RCE1: variants seen among roughly 807,000 people sequenced by gnomAD.
RCE1 encodes CAAX prenyl protease 2.
In RCE1, 15 loss-of-function variants were observed where a neutral mutation model predicts 35.0. The ratio of observed to expected loss-of-function variants is 0.43; its 90% CI spans 0.29 to 0.66. The LOEUF (loss-of-function observed/expected upper bound fraction) is 0.66, where lower values mean the gene tolerates loss of function less well. Ranked by LOEUF, RCE1 falls within the 30% of genes least tolerant of loss-of-function variation. The pLI, the probability that RCE1 is intolerant of heterozygous loss-of-function variation, is 0.17. For missense variants in RCE1, 434 were observed against 433.0 expected (o/e 1.00, Z -0.02); for synonymous variants, 261 against 192.7 (o/e 1.35, Z -2.94).
Position 66,846,078 on chromosome 11 carries a change from G to T in RCE1, c.973G>T (p.Ala325Ser). ...TTTGGAGCGGGCAGGGGACTCAGAGGCTCCCCTGTGCTCCTGACCTATGCT... is the reference window on the plus strand; with the variant it reads ...TTTGGAGCGGGCAGGGGACTCAGAGTCTCCCCTGTGCTCCTGACCTATGCT... Reference protein sequence around the residue: ...VLLERAGDSEAPLCS With the variant: ...VLLERAGDSESPLCS Residue 325 changes from alanine to serine, a missense_variant, in exon 8 of 8, where the codon GCT becomes TCT. Transcript: ENST00000309657. The T allele has an allele frequency of 6.2e-7, 1 of 1,609,264 alleles. No individual in the cohort carries two copies. The highest frequency in any genetic ancestry group is 8.5e-7 in the Non-Finnish European group (1 of 1,178,544).
Position 66,845,223 on chromosome 11 carries a change from T to G in RCE1, c.677T>G (p.Ile226Ser). The G allele has an allele frequency of 6.2e-7, 1 of 1,614,198 alleles. No individual in the cohort carries two copies. Among genetic ancestry groups the G allele is most frequent in the African/African-American group, 1.3e-5 (1 of 75,052 alleles). The change falls in exon 6 of 8, where the codon ATC becomes AGC. Residue 226 changes from isoleucine to serine, a missense_variant. Transcript: ENST00000309657. ...TTCCGCCAGAGCAGCGTGGGGAACA[T>G]CTTCTTGTCTGCTGGTGAGTCCTGG... ...LRFRQSSVGN[I>S]FLSAAFQFSY... is the part of the protein sequence containing the mutation.
In RCE1 at chr11:66,846,096, C is replaced by A; in HGVS notation, c.*1C>A. On this transcript the variant is annotated 3_prime_UTR_variant, in exon 8 of 8. Coordinates refer to ENST00000309657, the MANE Select transcript of RCE1 (RefSeq NM_005133.3). Reference sequence around the variant, plus strand: ...CTCAGAGGCTCCCCTGTGCTCCTGACCTATGCTCCTGGATACGCTATGAAC... The same window carrying A: ...CTCAGAGGCTCCCCTGTGCTCCTGAACTATGCTCCTGGATACGCTATGAAC... 1 of 1,602,998 alleles carries A rather than the reference C, an allele frequency of 6.2e-7. No homozygotes were observed. Among genetic ancestry groups the A allele is most frequent in the Non-Finnish European group, 8.5e-7 (1 of 1,175,722 alleles).
rs769541197 is a variant in RCE1, at chr11:66,843,510, C to T, written c.55C>T (p.Arg19Trp). ...ACTGCTGTCGGTGTCGCGGCCGGAGCGGCCGCCCGAGTCGGCGGCGCTGGG... is the reference window on the plus strand; with the variant it reads ...ACTGCTGTCGGTGTCGCGGCCGGAGTGGCCGCCCGAGTCGGCGGCGCTGGG... ...LRLLSVSRPE[R>W]PPESAALGGL... The change falls in exon 1 of 8, where the codon CGG becomes TGG. Residue 19 changes from arginine to tryptophan, a missense_variant. Coordinates refer to ENST00000309657, the MANE Select transcript of RCE1 (RefSeq NM_005133.3). The T allele has an allele frequency of 2.0e-6, 3 of 1,493,316 alleles. No homozygotes were observed. Among genetic ancestry groups the T allele is most frequent in the East Asian group, 2.7e-5 (1 of 36,614 alleles). 92.5% of individuals were successfully genotyped at this position (1,493,316 alleles called of 1,614,324 possible).
At chr11:66,845,437 G>A in intron 6 of RCE1, 63 bp from the exon 7 acceptor site, 1 of 1,612,656 alleles carries the variant, frequency 6.2e-7, no homozygotes, top group Non-Finnish European at 8.5e-7. Flanking sequence ...TGGCTGATGG[G>A]TATGTAGTGT....
chr11:66,843,834 G>C lies in RCE1; in HGVS notation c.261G>C (p.Leu87=), dbSNP rs1352532180. The C allele has an allele frequency of 6.2e-7, 1 of 1,614,112 alleles. No homozygotes were observed. Among genetic ancestry groups the C allele is most frequent in the East Asian group, 2.2e-5 (1 of 44,880 alleles). ...CCAGTCTCTCACCCCTGTGCGTGCT[G>C]CTCTGGAGGGAACTCACAGGCATCC... ...VVSSLSPLCV[L]LWRELTGIQP... The change falls in exon 2 of 8, where the codon CTG becomes CTC. Residue 87 remains leucine, a synonymous_variant. Coordinates refer to ENST00000309657, the MANE Select transcript of RCE1 (RefSeq NM_005133.3).
At position 66,843,792 on chromosome 11, in the gene RCE1, C is replaced by T. The variant is rs1945142699; in HGVS notation, c.219C>T (p.Thr73=). Residue 73 remains threonine (T), a synonymous_variant, in exon 2 of 8, where the codon ACC becomes ACT. Transcript: ENST00000309657. ...DHPAVIKRRF[T]SVLVVSSLSP... ...CCGCGGTCATCAAGCGACGCTTCAC[C>T]AGCGTCCTGGTGGTGTCCAGTCTCT... 5 of 1,613,988 alleles carry T rather than the reference C, an allele frequency of 3.1e-6. No homozygotes were observed. In the East Asian group the frequency reaches 6.7e-5, roughly 22 times the overall value.
Position 66,845,501 on chromosome 11 carries a change from G to A in RCE1, c.693G>A (p.Ala231=), listed in dbSNP as rs745679450. 1.2e-5 allele frequency: 20 copies of A among 1,614,034 alleles called. No homozygotes were observed. The highest frequency in any genetic ancestry group is 9.9e-5 in the South Asian group (9 of 91,084). Residue 231 remains alanine (A), a splice_region_variant and synonymous_variant, in exon 7 of 8, where the codon GCG becomes GCA. Transcript: ENST00000309657. ...CACTCGTGGCCTCCCCGTCTCCAGC[G>A]TTCCAGTTCTCCTACACAGCTGTCT... ...SSVGNIFLSA[A]FQFSYTAVFG...
In RCE1 at chr11:66,843,493, C is replaced by G; in HGVS notation, c.38C>G (p.Ser13Trp). 5 of 1,481,788 alleles carry G rather than the reference C, an allele frequency of 3.4e-6. No homozygotes were observed. In the South Asian group the frequency reaches 6.4e-5, roughly 19 times the overall value. 91.8% of individuals were successfully genotyped at this position (1,481,788 alleles called of 1,614,324 possible). The part of the protein sequence containing the change: ...ALGGDGLRLL[S>W]VSRPERPPES... ...GGCGGGGATGGGCTGCGACTGCTGT[C>G]GGTGTCGCGGCCGGAGCGGCCGCCC... The change falls in exon 1 of 8, where the codon TCG (serine) becomes TGG (tryptophan). Residue 13 changes from serine to tryptophan, a missense_variant. Physicochemically the swap from Ser to Trp is radical, Grantham distance 177. Transcript: ENST00000309657.
Position 66,846,341 on chromosome 11 carries a change from C to T in RCE1, c.*246C>T. On this transcript the variant is annotated 3_prime_UTR_variant, in exon 8 of 8. Transcript: ENST00000309657. ...GGGGACAAGGGGCAGGTCCCAGGAG[C>T]CACACACTCCCTTCCTCACTTTGGA... is the stretch of plus-strand genomic sequence containing the variant. 2.2e-6 allele frequency: 1 copy of T among 461,980 alleles called. No homozygotes were observed. Among genetic ancestry groups the T allele is most frequent in the Non-Finnish European group, 3.8e-6 (1 of 263,362 alleles). The allele number at this position is 461,980 out of a possible 1,614,324, so 28.6% of individuals were successfully genotyped here.
chr11:66,846,263 TC>T lies in RCE1; in HGVS notation c.*170del. The T allele has an allele frequency of 2.3e-6, 2 of 866,966 alleles. No individual in the cohort carries two copies. Among genetic ancestry groups the T allele is most frequent in the Non-Finnish European group, 3.4e-6 (2 of 584,840 alleles). The allele number at this position is 866,966 out of a possible 1,614,324, so 53.7% of individuals were successfully genotyped here. A position where few individuals can be genotyped will look rare whatever the true frequency, so the allele number is the denominator to read the frequency against. ...AGGGACCAAGAGAAAGAAGCAGATA[TC>T]CAAAGGGTGCAGCCCCTTTTGAAAG... On this transcript the variant is annotated 3_prime_UTR_variant, in exon 8 of 8. Transcript: ENST00000309657.
At chr11:66,844,695 A>T (rs1323191314) in intron 4 of RCE1, 174 bp from the exon 5 acceptor site, 1 of 1,009,350 alleles carries the variant, frequency 9.9e-7, no homozygotes, top group Non-Finnish European at 1.4e-6. Context: ...CCTTCCATTC[A>T]GGTCATCTCA....
At chr11:66,844,111 T>G in intron 3 of RCE1, 72 bp downstream of exon 3, 1 of 1,605,672 alleles carries the variant, frequency 6.2e-7, no homozygotes, top group Non-Finnish European at 8.5e-7. Flanking sequence ...TGGACTCTTG[T>G]TTTTGGTTTT....
In RCE1 at chr11:66,844,951, G is replaced by T. The variant is rs1240358168; in HGVS notation, c.534G>T (p.Val178=). Residue 178 remains valine, a synonymous_variant, in exon 5 of 8, where the codon GTG becomes GTT. Transcript: ENST00000309657. ...QVIAPLTEEL[V]FRACMLPMLA... is the part of the protein sequence containing the mutation. Reference sequence around the variant, plus strand: ...TCGCCCCGCTGACAGAGGAGCTGGTGTTCCGGGCCTGTATGCTGCCCATGT... The same window carrying T: ...TCGCCCCGCTGACAGAGGAGCTGGTTTTCCGGGCCTGTATGCTGCCCATGT... 6.2e-7 allele frequency: 1 copy of T among 1,607,560 alleles called. No homozygotes were observed. The highest frequency in any genetic ancestry group is 1.3e-5 in the African/African-American group (1 of 74,694).
Position 66,844,024 on chromosome 11 carries a change from C to T in RCE1, c.357C>T (p.Pro119=), listed in dbSNP as rs1209671056. ...GCATTTTCCCAGCGGCGCTGCTGCCCCTGTTGCTGACCATGGTGAGTGCTC... is the reference window on the plus strand; with the variant it reads ...GCATTTTCCCAGCGGCGCTGCTGCCTCTGTTGCTGACCATGGTGAGTGCTC... ...LEGIFPAALL[P]LLLTMILFLG... Residue 119 remains proline, a synonymous_variant, in exon 3 of 8, where the codon CCC becomes CCT. Coordinates refer to ENST00000309657, the MANE Select transcript of RCE1 (RefSeq NM_005133.3). 6.2e-7 allele frequency: 1 copy of T among 1,613,978 alleles called. No individual in the cohort carries two copies. The highest frequency in any genetic ancestry group is 8.5e-7 in the Non-Finnish European group (1 of 1,180,044).
chr11:66,844,992 G>A lies in RCE1; in HGVS notation c.575G>A (p.Gly192Asp), dbSNP rs1345184604. The change falls in exon 5 of 8, where the codon GGC becomes GAC. Residue 192 changes from glycine (G) to aspartate (D), a missense_variant. Transcript: ENST00000309657. ...CMLPMLAPCM[G>D]LGPAVFTCPL... ...CTGCCCATGTTAGCACCGTGCATGGGCCTGGGCCCTGCTGTGTTCACCTGC... is the reference window on the plus strand; with the variant it reads ...CTGCCCATGTTAGCACCGTGCATGGACCTGGGCCCTGCTGTGTTCACCTGC... 1 of 1,604,182 alleles carries A rather than the reference G, an allele frequency of 6.2e-7. No homozygotes were observed. Among genetic ancestry groups the A allele is most frequent in the East Asian group, 2.2e-5 (1 of 44,740 alleles).
intron 7 of RCE1, 46 bp downstream of exon 7, chr11:66,845,608 G>C: frequency 6.2e-7 from 1 of 1,612,634 alleles, no homozygotes; most frequent in Non-Finnish European, 8.5e-7. Context: ...CACAGGAGCG[G>C]GTGGGAGAAT....
intron 3 of RCE1, 47 bp from the exon 4 acceptor site, chr11:66,844,239 C>G (rs753823189): frequency 6.2e-7 from 1 of 1,613,374 alleles, no homozygotes; most frequent in South Asian, 1.1e-5. Context: ...GGGCAAAGGT[C>G]TGGGCAAAAG....
chr11:66,845,481 G>T lies in RCE1; in HGVS notation c.692-19G>T, dbSNP rs556440072. The stretch of plus-strand genomic sequence containing the variant: ...GAAGGGCGTGCAGGTGTGGTCACTC[G>T]TGGCCTCCCCGTCTCCAGCGTTCCA... On this transcript the variant is annotated intron_variant, in intron 6 of 7. Coordinates refer to ENST00000309657, the MANE Select transcript of RCE1 (RefSeq NM_005133.3). The T allele has an allele frequency of 1.2e-6, 2 of 1,614,170 alleles. No individual in the cohort carries two copies. Among genetic ancestry groups the T allele is most frequent in the Non-Finnish European group, 1.7e-6 (2 of 1,180,012 alleles).
intron 3 of RCE1, 88 bp from the exon 4 acceptor site, chr11:66,844,198 A>T: frequency 6.2e-7 from 1 of 1,600,688 alleles, no homozygotes; most frequent in Non-Finnish European, 8.6e-7. Context: ...GTGGCTGGAG[A>T]GGATTTCAAG....
Sources: allele counts gnomAD v4.1 joint callset, GRCh38; gene constraint gnomAD v4.1.1; transcripts MANE v1.5; gene names NCBI Gene and HGNC (gene_info 2026-07-23, HGNC 2026-07-21).